ANAPC4: variants seen among roughly 807,000 people sequenced by gnomAD.
The protein encoded by ANAPC4 is anaphase-promoting complex subunit 4.
ANAPC4 carries 63 observed loss-of-function variants against 119.8 expected under a neutral mutation model. The ratio of observed to expected loss-of-function variants is 0.53; its 90% CI spans 0.43 to 0.65. The LOEUF (loss-of-function observed/expected upper bound fraction) is 0.65, where lower values mean the gene tolerates loss of function less well. Among genes scored for constraint, ANAPC4 ranks in the 30% least tolerant of loss-of-function variants. ANAPC4 has a pLI of 0.00. For synonymous variants in ANAPC4, 283 were observed against 318.6 expected (o/e 0.89, Z 1.19); for missense variants, 716 against 945.1 (o/e 0.76, Z 3.18).
intron 4 of ANAPC4, among the ~76,000 whole-genome samples, chr4:25,387,323 T>A (rs1220429754): frequency 6.6e-6 from 1 of 152,230 alleles, no homozygotes; most frequent in Non-Finnish European, 1.5e-5. Context: ...CTAATTAAGT[T>A]ATACTAAGGT....
intron 2 of ANAPC4, among the ~76,000 whole-genome samples, chr4:25,378,346 A>T (rs1409871629): frequency 1.3e-5 from 2 of 152,220 alleles, no homozygotes; most frequent in Non-Finnish European, 2.9e-5. Context: ...AAACTAGGTG[A>T]TAAGGAAATC....
intron 14 of ANAPC4, 121 bp from the exon 15 acceptor site, chr4:25,396,543 C>T: frequency 5.3e-6 from 4 of 754,274 alleles, no homozygotes; most frequent in Non-Finnish European, 8.5e-6. Context: ...ATAATTATTT[C>T]TCATGGAAAC....
chr4:25,412,804 A>G (rs748450220), intron 21 of ANAPC4: 16 of 152,146 alleles, frequency 1.1e-4, no homozygotes, highest in Non-Finnish European at 2.2e-4. Context: ...AGGAAATTCC[A>G]AGGGTTTTGG....
At chr4:25,417,861 A>G (rs1723969875) in intron 28 of ANAPC4, 122 bp downstream of exon 28, 1 of 1,320,460 alleles carries the variant, frequency 7.6e-7, no homozygotes, top group South Asian at 1.5e-5. Context: ...ACTGTGATTT[A>G]TAGCTTGTAT....
intron 22 of ANAPC4, 53 bp downstream of exon 22, chr4:25,413,795 A>G (rs1055209789): frequency 2.3e-6 from 3 of 1,327,426 alleles, no homozygotes; most frequent in Non-Finnish European, 3.2e-6. Context: ...TGTCTACAGT[A>G]TGTGGCTCAC....
chr4:25,418,427 T>A lies in ANAPC4; in HGVS notation c.*45T>A, dbSNP rs1577407002. On this transcript the variant is annotated 3_prime_UTR_variant, in exon 29 of 29. Coordinates refer to ENST00000315368, the MANE Select transcript of ANAPC4 (RefSeq NM_013367.3). ...GTGTGTAATTATGGCCAAAAGGACATAGGAGATGGACTAAGATGTCTTGGA... is the reference window on the plus strand; with the variant it reads ...GTGTGTAATTATGGCCAAAAGGACAAAGGAGATGGACTAAGATGTCTTGGA... 1 of 1,544,412 alleles carries A rather than the reference T, an allele frequency of 6.5e-7. No homozygotes were observed. The highest frequency in any genetic ancestry group is 1.1e-5 in the South Asian group (1 of 88,120).
chr4:25,390,586 C>T (rs917772344), intron 8 of ANAPC4, among the ~76,000 whole-genome samples: 37 of 152,152 alleles, frequency 2.4e-4, no homozygotes, highest in African/African-American at 8.0e-4. Flanking sequence ...ATAGTTGCTA[C>T]GTCTCAGTCT....
intron 8 of ANAPC4, 85 bp downstream of exon 8, chr4:25,390,305 G>T: frequency 5.1e-6 from 5 of 980,628 alleles, no homozygotes; most frequent in Non-Finnish European, 7.4e-6. Flanking sequence ...AAAACACTAG[G>T]TTTTTTTTCA....
rs1722027211 is a variant in ANAPC4 at position 25,386,215 on chromosome 4, A to T, written c.369-2285A>T. On this transcript the variant is annotated intron_variant, in intron 4 of 28. Transcript: ENST00000315368. The stretch of plus-strand genomic sequence containing the variant: ...GGCATAAGCCTCAGCGCCTGGCCTT[A>T]TTTATTTATTTTTTGAGACACAGTT... Among the ~76,000 whole-genome samples the T allele has an allele frequency of 2.0e-5, 3 of 151,460 alleles. No homozygotes were observed. The South Asian group carries it at 6.3e-4, about 32-fold the overall frequency.
chr4:25,418,157 A>G lies in ANAPC4; in HGVS notation c.2202A>G (p.Leu734=). ...GNGFRKVSCV[L]SSNLRHVRVF... is the part of the protein sequence containing the mutation. Reference sequence around the variant, plus strand: ...TTTTATGGCCTTTTCTTTTTTAGTTAAGCTCAAATCTTCGTCATGTGAGAG... The same window carrying G: ...TTTTATGGCCTTTTCTTTTTTAGTTGAGCTCAAATCTTCGTCATGTGAGAG... The change falls in exon 29 of 29, where the codon TTA becomes TTG. Residue 734 remains leucine, a splice_region_variant and synonymous_variant. Transcript: ENST00000315368. 3.7e-6 allele frequency: 6 copies of G among 1,609,288 alleles called. No homozygotes were observed. Among genetic ancestry groups the G allele is most frequent in the Non-Finnish European group, 5.1e-6 (6 of 1,178,244 alleles).
At chr4:25,381,397 A>G in intron 3 of ANAPC4, among the ~76,000 whole-genome samples, 1 of 150,760 alleles carries the variant, frequency 6.6e-6, no homozygotes, top group Non-Finnish European at 1.5e-5. Flanking sequence ...TGAAACCTTC[A>G]CCTCCCGGGT....
intron 25 of ANAPC4, chr4:25,415,149 T>A: frequency 4.3e-6 from 1 of 232,990 alleles, no homozygotes; most frequent in Non-Finnish European, 8.2e-6. Context: ...AAATTGAAAG[T>A]AGAAGTTCTG....
intron 11 of ANAPC4, 75 bp downstream of exon 11, chr4:25,393,966 A>C: frequency 8.2e-7 from 1 of 1,213,802 alleles, no homozygotes; most frequent in Non-Finnish European, 1.2e-6. Flanking sequence ...GGTACATGAG[A>C]AAAATCAGTT....
chr4:25,379,084 A>G (rs1171947970), intron 2 of ANAPC4, among the ~76,000 whole-genome samples: 1 of 152,140 alleles, frequency 6.6e-6, no homozygotes, highest in Non-Finnish European at 1.5e-5. Context: ...TGTTGTAGAG[A>G]TGACCTGGAA....
chr4:25,405,124 A>G lies in ANAPC4; in HGVS notation c.1271-449A>G, dbSNP rs1723184562. 6.6e-6 allele frequency among the ~76,000 whole-genome samples: 1 copy of G among 151,222 alleles called. No individual in the cohort carries two copies. Among genetic ancestry groups the G allele is most frequent in the Admixed American group, 6.6e-5 (1 of 15,060 alleles). ...GAGAGTCAACCACAGATACTAGATC[A>G]AAGAAAAGTACATAAATATACTGTA... On this transcript the variant is annotated intron_variant, in intron 17 of 28. Transcript: ENST00000315368. This position sits in a 1 kb window ranked among gnomAD's most constrained non-coding sequence, Gnocchi z 4.6.
In ANAPC4 at chr4:25,409,734, C is replaced by G; in HGVS notation, c.1468C>G (p.Pro490Ala). ...TGAAGATGATGATCTTGTGTCACCC[C>G]CTAACACAGAAGGAAACCAGTGGTA... The part of the protein sequence containing the change: ...KDEDDDLVSP[P>A]NTEGNQWYDF... The change falls in exon 21 of 29, where the codon CCT becomes GCT. Residue 490 changes from proline to alanine, a missense_variant. Coordinates refer to ENST00000315368, the MANE Select transcript of ANAPC4 (RefSeq NM_013367.3). 6 of 1,613,148 alleles carry G rather than the reference C, an allele frequency of 3.7e-6. No individual in the cohort carries two copies. Among genetic ancestry groups the G allele is most frequent in the Non-Finnish European group, 5.1e-6 (6 of 1,179,432 alleles).
At chr4:25,395,606 C>T (rs190516463) in intron 14 of ANAPC4, among the ~76,000 whole-genome samples, 8 of 152,162 alleles carry the variant, frequency 5.3e-5, no homozygotes, top group Admixed American at 1.3e-4. Flanking sequence ...CAAACCACTA[C>T]GCCTGGCTAA....
At chr4:25,394,216 C>A in intron 11 of ANAPC4, 94 bp from the exon 12 acceptor site, 1 of 1,020,626 alleles carries the variant, frequency 9.8e-7, no homozygotes, top group African/African-American at 1.7e-5. Flanking sequence ...AAGTCTAAGG[C>A]AAGGAAAGGG....
rs140155824 is a variant in ANAPC4 at position 25,399,143 on chromosome 4, TC to T, written c.1214+2245del. On this transcript the variant is annotated intron_variant, in intron 16 of 28. Transcript: ENST00000315368. Reference sequence around the variant, plus strand: ...AACATGTGAGAGTATGTTGTTTATATCAGGTGCCTTTTACCTGGAATACTTT... The same window carrying T: ...AACATGTGAGAGTATGTTGTTTATATAGGTGCCTTTTACCTGGAATACTTT... Among the ~76,000 whole-genome samples, 792 of 152,278 alleles carry T rather than the reference TC, an allele frequency of 5.2e-3. 5 individuals are homozygous for T. The highest frequency in any genetic ancestry group is 0.016 in the African/African-American group (652 of 41,538).
Sources: allele counts gnomAD v4.1 joint callset (sites outside exome capture counted in the v4.1 genomes callset), GRCh38; gene constraint gnomAD v4.1.1; non-coding constraint Gnocchi (gnomAD v3.1); transcripts MANE v1.5; gene names NCBI Gene and HGNC (gene_info 2026-07-23, HGNC 2026-07-21).